TMEM108: variants seen among roughly 807,000 people sequenced by gnomAD.
TMEM108 encodes the protein cancer/testis antigen 124.
In TMEM108, 12 loss-of-function variants were observed where a neutral mutation model predicts 35.1. That is an observed-to-expected ratio of 0.34 (90% CI 0.22 to 0.55). TMEM108 has a LOEUF of 0.55. TMEM108 is among the 20% of genes least tolerant of loss of function. TMEM108 has a pLI of 0.89. For synonymous variants in TMEM108, 287 were observed against 308.6 expected (o/e 0.93, Z 0.73); for missense variants, 680 against 753.3 (o/e 0.90, Z 1.14).
In TMEM108 at chr3:133,396,047, TA is replaced by T. The variant is rs2073302480; in HGVS notation, c.*62del. ...CGTCTCTAAATTATAAATATACAAATACATATATTATAAATATAACCTTTGT... is the reference window on the plus strand; with the variant it reads ...CGTCTCTAAATTATAAATATACAAATCATATATTATAAATATAACCTTTGT... On this transcript the variant is annotated 3_prime_UTR_variant, in exon 6 of 6. Transcript: ENST00000321871. 8.3e-7 allele frequency: 1 copy of T among 1,211,424 alleles called. No homozygotes were observed. The highest frequency in any genetic ancestry group is 1.6e-5 in the African/African-American group (1 of 62,818). The allele number at this position is 1,211,424 out of a possible 1,614,324, so 75.0% of individuals were successfully genotyped here. A position where few individuals can be genotyped will look rare whatever the true frequency, so the allele number is the denominator to read the frequency against.
At chr3:133,100,882 C>A (rs1224424465) in intron 2 of TMEM108, among the ~76,000 whole-genome samples, 1 of 152,166 alleles carries the variant, frequency 6.6e-6, no homozygotes, top group East Asian at 1.9e-4. Flanking sequence ...TAACTGTAAT[C>A]ATTGTGAATC....
At chr3:133,393,312 A>G (rs2073260124) in intron 5 of TMEM108, among the ~76,000 whole-genome samples, 1 of 152,190 alleles carries the variant, frequency 6.6e-6, no homozygotes, top group Admixed American at 6.5e-5. Context: ...ACTTGTCTTC[A>G]GAGCTCTTCT....
At chr3:133,249,593 G>A (rs980463255) in intron 3 of TMEM108, among the ~76,000 whole-genome samples, 1 of 152,108 alleles carries the variant, frequency 6.6e-6, no homozygotes, top group African/African-American at 2.4e-5. Flanking sequence ...AATTCACTTA[G>A]TATAATAGCC....
intron 2 of TMEM108, among the ~76,000 whole-genome samples, chr3:133,060,870 A>G (rs567889265): frequency 5.3e-5 from 8 of 152,358 alleles, no homozygotes; most frequent in African/African-American, 1.4e-4. Context: ...AATAACCTAA[A>G]TACCTATTAG....
chr3:133,213,060 T>C (rs1945857391), intron 2 of TMEM108, among the ~76,000 whole-genome samples: 1 of 152,150 alleles, frequency 6.6e-6, no homozygotes, highest in Admixed American at 6.5e-5. Flanking sequence ...TTGTGACTTA[T>C]GCTATAAAAA....
intron 2 of TMEM108, among the ~76,000 whole-genome samples, chr3:133,166,312 A>G (rs1196009325): frequency 6.6e-6 from 1 of 152,222 alleles, no homozygotes; most frequent in Non-Finnish European, 1.5e-5. Context: ...TTACCTATGT[A>G]ACAAATCTGC....
Position 133,202,751 on chromosome 3 carries a change from G to A in TMEM108, c.-46-26515G>A, listed in dbSNP as rs1003260043. On this transcript the variant is annotated intron_variant, in intron 2 of 5. Coordinates refer to ENST00000321871, the MANE Select transcript of TMEM108 (RefSeq NM_023943.4). ...TGATGCCTCCAGCTTTATTCTTTTT[G>A]CTTAGGATTGTCTTGGCAATGTGGG... is the stretch of plus-strand genomic sequence containing the variant. 5.3e-5 allele frequency among the ~76,000 whole-genome samples: 8 copies of A among 152,180 alleles called. No homozygotes were observed. The East Asian group carries it at 9.6e-4, about 18-fold the overall frequency.
chr3:133,270,877 C>T (rs1946762065), intron 3 of TMEM108, among the ~76,000 whole-genome samples: 1 of 151,916 alleles, frequency 6.6e-6, no homozygotes, highest in Non-Finnish European at 1.5e-5. Context: ...AAGCAACATA[C>T]AGCTCTGTCA....
At position 133,302,391 on chromosome 3, in the gene TMEM108, C is replaced by CTTGAATTTTCTT. The variant is rs1559897466; in HGVS notation, c.40+73043_40+73054dup. The stretch of plus-strand genomic sequence containing the variant: ...TAAAAATGTAAAATTTCAAATATCT[C>CTTGAATTTTCTT]TTGAATTTTCTTTTTCTTTCTTTCT... On this transcript the variant is annotated intron_variant, in intron 3 of 5. Transcript: ENST00000321871. Among the ~76,000 whole-genome samples, 7 of 144,504 alleles carry CTTGAATTTTCTT rather than the reference C, an allele frequency of 4.8e-5. No individual in the cohort carries two copies. In the South Asian group the frequency reaches 1.6e-3, roughly 33 times the overall value. The allele number at this position is 144,504 out of a possible 152,430, so 94.8% of individuals were successfully genotyped here.
At chr3:133,074,307 A>G (rs547591360) in intron 2 of TMEM108, 2 of 152,128 alleles carry the variant, frequency 1.3e-5, no homozygotes, top group Non-Finnish European at 2.9e-5. Context: ...ATTTGTTTTC[A>G]TGTACAGATG....
At chr3:133,255,172 T>C (rs555380932) in intron 3 of TMEM108, among the ~76,000 whole-genome samples, 1 of 152,294 alleles carries the variant, frequency 6.6e-6, no homozygotes, top group Admixed American at 6.5e-5. Flanking sequence ...GAAGGGAAAA[T>C]GTATTTCATT....
At chr3:133,388,471 G>A (rs2073187037) in intron 4 of TMEM108, 2 of 985,284 alleles carry the variant, frequency 2.0e-6, no homozygotes, top group African/African-American at 1.7e-5. Context: ...TCTGAAGAAA[G>A]GGTTTTTTGG....
intron 3 of TMEM108, among the ~76,000 whole-genome samples, chr3:133,326,960 A>G (rs1482018360): frequency 6.6e-6 from 1 of 152,238 alleles, no homozygotes; most frequent in African/African-American, 2.4e-5. Context: ...ATACTTGCAG[A>G]ATGAATGAGT....
intron 3 of TMEM108, among the ~76,000 whole-genome samples, chr3:133,292,743 G>A (rs1576437006): frequency 6.6e-6 from 1 of 152,146 alleles, no homozygotes; most frequent in East Asian, 1.9e-4. Flanking sequence ...AGATGCCTTA[G>A]CCACAACTCC....
intron 2 of TMEM108, among the ~76,000 whole-genome samples, chr3:133,052,826 C>G (rs1345845278): frequency 5.9e-5 from 9 of 152,256 alleles, no homozygotes. Context: ...TCTCTGGTCA[C>G]AAAATGCCCA....
chr3:133,250,121 G>A (rs2107667443), intron 3 of TMEM108, among the ~76,000 whole-genome samples: 1 of 152,084 alleles, frequency 6.6e-6, no homozygotes, highest in East Asian at 1.9e-4. Flanking sequence ...TAGAAATATA[G>A]GACTCTGGCT....
chr3:133,192,584 A>G (rs1158244268), intron 2 of TMEM108, among the ~76,000 whole-genome samples: 1 of 152,168 alleles, frequency 6.6e-6, no homozygotes, highest in African/African-American at 2.4e-5. Context: ...TGGAATGCCT[A>G]GGAAGCTAGC....
At chr3:133,102,363 C>T (rs1944099706) in intron 2 of TMEM108, among the ~76,000 whole-genome samples, 1 of 152,156 alleles carries the variant, frequency 6.6e-6, no homozygotes, top group Non-Finnish European at 1.5e-5. Context: ...CCTTCTTTAT[C>T]TTCAGCCTGC....
At chr3:133,177,094 C>G (rs1046855281) in intron 2 of TMEM108, among the ~76,000 whole-genome samples, 1 of 152,174 alleles carries the variant, frequency 6.6e-6, no homozygotes, top group African/African-American at 2.4e-5. Context: ...TCGATACATA[C>G]ACCCTCCCAA....
Sources: gnomAD v4.1 joint callset for allele counts (sites outside exome capture counted in the v4.1 genomes callset) on GRCh38, gnomAD v4.1.1 for gene constraint, MANE v1.5 for transcripts, NCBI Gene and HGNC (gene_info 2026-07-23, HGNC 2026-07-21) for gene names.